ACTN4: variants seen among roughly 807,000 people sequenced by gnomAD.
ACTN4 encodes the protein alpha-actinin-4.
ACTN4 carries 18 observed loss-of-function variants against 114.2 expected under a neutral mutation model. That is an observed-to-expected ratio of 0.16 (90% CI 0.11 to 0.23). ACTN4 has a LOEUF of 0.23. Ranked by LOEUF, ACTN4 falls within the 10% of genes least tolerant of loss-of-function variation. The pLI, the probability that ACTN4 is intolerant of heterozygous loss-of-function variation, is 1.00. For missense variants in ACTN4, 722 were observed against 1,262.9 expected (o/e 0.57, Z 6.49); for synonymous variants, 515 against 506.3 (o/e 1.02, Z -0.23).
chr19:38,649,267 G>A (rs1482391388), intron 1 of ACTN4, among the ~76,000 whole-genome samples: 1 of 124,036 alleles, frequency 8.1e-6, no homozygotes, highest in African/African-American at 3.1e-5. Context: ...AGGTGTCAGT[G>A]TCTGTGGGGG....
At chr19:38,662,484 A>G (rs1976917998) in intron 1 of ACTN4, among the ~76,000 whole-genome samples, 1 of 152,210 alleles carries the variant, frequency 6.6e-6, no homozygotes, top group Non-Finnish European at 1.5e-5. Flanking sequence ...TGGAAAGAAG[A>G]TGGCGAGGTT....
At chr19:38,653,606 G>T (rs1375469942) in intron 1 of ACTN4, among the ~76,000 whole-genome samples, 2 of 151,966 alleles carry the variant, frequency 1.3e-5, no homozygotes, top group Non-Finnish European at 2.9e-5. Flanking sequence ...GTTTTCCCCG[G>T]CTTTATCTTT....
chr19:38,669,719 G>A (rs1321819545), intron 1 of ACTN4, among the ~76,000 whole-genome samples: 1 of 152,148 alleles, frequency 6.6e-6, no homozygotes, highest in African/African-American at 2.4e-5. Context: ...GGAAGTTGGT[G>A]AGGTTTGCAC....
chr19:38,707,154 G>C (rs1234815341), intron 5 of ACTN4, among the ~76,000 whole-genome samples: 1 of 152,020 alleles, frequency 6.6e-6, no homozygotes, highest in Non-Finnish European at 1.5e-5. Flanking sequence ...GATAGCATGT[G>C]GTCCCTCCCT....
chr19:38,720,063 C>A (rs1032642411), intron 11 of ACTN4, among the ~76,000 whole-genome samples: 2 of 152,358 alleles, frequency 1.3e-5, no homozygotes, highest in African/African-American at 4.8e-5. Context: ...GAGCCTCTGT[C>A]CTCTCAAGTA....
chr19:38,727,252 A>G lies in ACTN4; in HGVS notation c.2337+149A>G. 3.9e-6 allele frequency: 5 copies of G among 1,294,998 alleles called. No individual in the cohort carries two copies. The highest frequency in any genetic ancestry group is 5.4e-6 in the Non-Finnish European group (5 of 923,878). The allele number at this position is 1,294,998 out of a possible 1,614,324, so 80.2% of individuals were successfully genotyped here. On this transcript the variant is annotated intron_variant, in intron 18 of 20. Coordinates refer to ENST00000252699, the MANE Select transcript of ACTN4 (RefSeq NM_004924.6). This position sits in a 1 kb window ranked among gnomAD's most constrained non-coding sequence, Gnocchi z 5.4. The stretch of plus-strand genomic sequence containing the variant: ...GGGCCAGCAGGGCCCTGCCACTGTC[A>G]GGGTGTAGGTGTGCGGCACCAAGAC...
At chr19:38,648,010 G>T in intron 1 of ACTN4, 103 bp downstream of exon 1, 1 of 1,273,800 alleles carries the variant, frequency 7.9e-7, no homozygotes, top group Non-Finnish European at 1.0e-6. Context: ...TGATGGGAAC[G>T]GGGGGGTCCC....
chr19:38,680,212 GTTTTTTTTTT>G lies in ACTN4; in HGVS notation c.163-20364_163-20355del, dbSNP rs75920199. ...CCTGTCCATAGCTGGAGCTCAGGAA[GTTTTTTTTTT>G]TTTTTTTTTTTTTTTTTTTTTTTAA... is the stretch of plus-strand genomic sequence containing the variant. On this transcript the variant is annotated intron_variant, in intron 1 of 20. Transcript: ENST00000252699. Among the ~76,000 whole-genome samples the G allele has an allele frequency of 2.1e-3, 260 of 124,332 alleles. 2 individuals carry two copies. The highest frequency in any genetic ancestry group is 8.1e-3 in the African/African-American group (240 of 29,644). 81.6% of individuals were successfully genotyped at this position (124,332 alleles called of 152,430 possible).
At position 38,724,098 on chromosome 19, in the gene ACTN4, C is replaced by G. The variant is rs201878116; in HGVS notation, c.1692+21C>G. On this transcript the variant is annotated intron_variant, in intron 14 of 20. Coordinates refer to ENST00000252699, the MANE Select transcript of ACTN4 (RefSeq NM_004924.6). The surrounding 1 kb of genome is among the most constrained non-coding windows in gnomAD (Gnocchi z 7.0). ...TTGAGGTTCGCACCCCCCGGCCCCC[C>G]ATCTTCCCAAGAGCCTCTGTGGGGC... The G allele has an allele frequency of 2.8e-4, 450 of 1,613,680 alleles. 2 individuals are homozygous for G. The highest frequency in any genetic ancestry group is 1.1e-4 in the Non-Finnish European group (135 of 1,180,002).
At position 38,717,007 on chromosome 19, in the gene ACTN4, G is replaced by T; in HGVS notation, c.913-79G>T. The T allele has an allele frequency of 6.9e-7, 1 of 1,453,082 alleles. No individual in the cohort carries two copies. Among genetic ancestry groups the T allele is most frequent in the Non-Finnish European group, 9.4e-7 (1 of 1,060,912 alleles). The allele number at this position is 1,453,082 out of a possible 1,614,324, so 90.0% of individuals were successfully genotyped here. A position where few individuals can be genotyped will look rare whatever the true frequency, so the allele number is the denominator to read the frequency against. On this transcript the variant is annotated intron_variant, in intron 9 of 20. Transcript: ENST00000252699. This position sits in a 1 kb window ranked among gnomAD's most constrained non-coding sequence, Gnocchi z 4.0. ...GGGCCCTCAAAGATCCAGATCCCAT[G>T]TGCCCATAAGCTGGGGGGCAGCCCG...
At chr19:38,677,753 C>CTTT (rs1967426627) in intron 1 of ACTN4, among the ~76,000 whole-genome samples, 1 of 151,728 alleles carries the variant, frequency 6.6e-6, no homozygotes. Context: ...TTTTCTTTTT[C>CTTT]TTTTTTGAGA....
Position 38,718,049 on chromosome 19 carries a change from C to G in ACTN4, c.1266C>G (p.Ala422=). Residue 422 remains alanine, a synonymous_variant, in exon 11 of 21, where the codon GCC becomes GCG. Coordinates refer to ENST00000252699, the MANE Select transcript of ACTN4 (RefSeq NM_004924.6). The part of the protein sequence containing the change: ...DHLAEKFRQK[A]SIHEAWTDGK... ...TGGCAGAGAAGTTCCGGCAGAAGGC[C>G]TCCATCCACGAGGCCTGGACTGACG... is the stretch of plus-strand genomic sequence containing the variant. 6.2e-7 allele frequency: 1 copy of G among 1,609,724 alleles called. No homozygotes were observed. The highest frequency in any genetic ancestry group is 8.5e-7 in the Non-Finnish European group (1 of 1,178,212).
At chr19:38,702,299 T>C (rs1422149127) in intron 3 of ACTN4, among the ~76,000 whole-genome samples, 2 of 152,334 alleles carry the variant, frequency 1.3e-5, no homozygotes, top group South Asian at 2.1e-4. Flanking sequence ...TGTGGGGCCT[T>C]GGAACAAAGC....
intron 1 of ACTN4, among the ~76,000 whole-genome samples, chr19:38,698,715 C>T (rs1968172186): frequency 6.6e-6 from 1 of 152,128 alleles, no homozygotes; most frequent in Non-Finnish European, 1.5e-5. Context: ...TCTCTGTCTC[C>T]CAGGTAGAGG....
At chr19:38,714,345 C>A in intron 8 of ACTN4, 124 bp from the exon 9 acceptor site, 1 of 854,456 alleles carries the variant, frequency 1.2e-6, no homozygotes, top group Non-Finnish European at 1.9e-6. Flanking sequence ...TGGAGCTGTG[C>A]TTCCTCTCCT....
chr19:38,655,792 T>G (rs1976695340), intron 1 of ACTN4, among the ~76,000 whole-genome samples: 1 of 152,216 alleles, frequency 6.6e-6, no homozygotes, highest in African/African-American at 2.4e-5. Context: ...CTCAAGTTCC[T>G]TATGTAAGAT....
rs1969273360 is a variant in ACTN4 at position 38,727,413 on chromosome 19, C to T, written c.2337+310C>T. On this transcript the variant is annotated intron_variant, in intron 18 of 20. Coordinates refer to ENST00000252699, the MANE Select transcript of ACTN4 (RefSeq NM_004924.6). The surrounding 1 kb of genome is among the most constrained non-coding windows in gnomAD (Gnocchi z 5.4). ...AGGCTTTGCGACCCGGTCTGTGAAC[C>T]TGGACACAGACACCCCGCACAGTGC... Among the ~76,000 whole-genome samples, 1 of 152,146 alleles carries T rather than the reference C, an allele frequency of 6.6e-6. No individual in the cohort carries two copies. Among genetic ancestry groups the T allele is most frequent in the African/African-American group, 2.4e-5 (1 of 41,428 alleles).
intron 17 of ACTN4, among the ~76,000 whole-genome samples, chr19:38,726,120 T>C (rs528698977): frequency 1.3e-5 from 2 of 152,074 alleles, no homozygotes; most frequent in South Asian, 4.2e-4. Flanking sequence ...AGACCCTGTC[T>C]CTACAAAAAA....
intron 1 of ACTN4, among the ~76,000 whole-genome samples, chr19:38,687,521 A>G (rs1316137091): frequency 1.3e-5 from 2 of 152,206 alleles, no homozygotes; most frequent in African/African-American, 4.8e-5. Flanking sequence ...GGACCATTCA[A>G]TGGGGGAAAG....
Sources: allele counts gnomAD v4.1 joint callset (sites outside exome capture counted in the v4.1 genomes callset), GRCh38; gene constraint gnomAD v4.1.1; non-coding constraint Gnocchi (gnomAD v3.1); transcripts MANE v1.5; gene names NCBI Gene and HGNC (gene_info 2026-07-23, HGNC 2026-07-21).